PER2: variants seen among roughly 807,000 people sequenced by gnomAD.
PER2 encodes the protein period circadian regulator 2, also known as period circadian protein homolog 2.
Under a neutral mutation model 121.0 loss-of-function variants are expected in PER2, and 66 were observed. The observed-to-expected ratio is 0.55, with a 90% CI of 0.45 to 0.67. The LOEUF (loss-of-function observed/expected upper bound fraction) is 0.67. Among genes scored for constraint, PER2 ranks in the 30% least tolerant of loss-of-function variants. The pLI, the probability that PER2 is intolerant of heterozygous loss-of-function variation, is 0.00. For missense variants in PER2, 1,521 were observed against 1,635.0 expected, an observed-to-expected ratio of 0.93 and a Z score of 1.20; for synonymous variants, 684 against 659.9, an observed-to-expected ratio of 1.04 and a Z score of -0.56.
intron 3 of PER2, among the ~76,000 whole-genome samples, chr2:238,276,408 C>T (rs1360238808): frequency 6.6e-6 from 1 of 152,216 alleles, no homozygotes; most frequent in Non-Finnish European, 1.5e-5. Flanking sequence ...GTTCTTTTCC[C>T]TGAAGGGTTA....
intron 1 of PER2, among the ~76,000 whole-genome samples, chr2:238,286,551 A>C (rs1696795317): frequency 6.6e-6 from 1 of 152,232 alleles, no homozygotes; most frequent in African/African-American, 2.4e-5. Context: ...GGCCCCCTCT[A>C]GACTAATTCT....
At chr2:238,297,362 G>A in the PER2 span, among the ~76,000 whole-genome samples, 7 of 152,190 alleles carry the variant, frequency 4.6e-5, no homozygotes, top group Non-Finnish European at 7.3e-5. Flanking sequence ...AGTCCCCCAG[G>A]CAGGGAGCTT....
At position 238,266,867 on chromosome 2, in the gene PER2, G is replaced by A. The variant is rs373996329; in HGVS notation, c.967+1189C>T. On this transcript the variant is annotated intron_variant, in intron 8 of 22. Transcript: ENST00000254657. ...AGCCTGGGCAACACAGTGAAACCCC[G>A]TCTCTACTAAAATACAAAAAAAAAG... is the stretch of plus-strand genomic sequence containing the variant. 5.1e-4 allele frequency among the ~76,000 whole-genome samples: 77 copies of A among 151,668 alleles called. 2 individuals are homozygous for A. The South Asian group carries it at 0.012, about 24-fold the overall frequency.
At position 238,245,516 on chromosome 2, in the gene PER2, C is replaced by T. The variant is rs1559319097; in HGVS notation, c.*859G>A. The T allele has an allele frequency of 5.0e-6, 2 of 397,826 alleles. No individual in the cohort carries two copies. Among genetic ancestry groups the T allele is most frequent in the Non-Finnish European group, 8.8e-6 (2 of 226,056 alleles). The allele number at this position is 397,826 out of a possible 1,614,324, so 24.6% of individuals were successfully genotyped here. ...GTGGTTCCAACGGAAGAAAACCAAA[C>T]AGGACTGGGTCTCACATGTGTTGGT... On this transcript the variant is annotated 3_prime_UTR_variant, in exon 23 of 23. Transcript: ENST00000254657.
intron 16 of PER2, 35 bp from the exon 17 acceptor site, chr2:238,257,121 G>T: frequency 6.3e-7 from 1 of 1,599,360 alleles, no homozygotes; most frequent in Non-Finnish European, 8.5e-7. Flanking sequence ...ACATTAGTGT[G>T]TCATTACAAT....
intron 16 of PER2, 64 bp from the exon 17 acceptor site, chr2:238,257,150 A>G (rs1015978326): frequency 8.5e-5 from 127 of 1,490,072 alleles, no homozygotes; most frequent in Middle Eastern, 6.8e-4. Flanking sequence ...CAGATGAGAA[A>G]CCGACACCCA....
chr2:238,290,448 C>T (rs978624717), upstream of PER2, among the ~76,000 whole-genome samples: 2 of 152,228 alleles, frequency 1.3e-5, no homozygotes, highest in Non-Finnish European at 2.9e-5. Flanking sequence ...AGCTCATCCA[C>T]ACCTTACCGA....
rs1695779730 is a variant in PER2 at position 238,256,944 on chromosome 2, G to T, written c.2043C>A (p.Asp681Glu). 1 of 1,614,126 alleles carries T rather than the reference G, an allele frequency of 6.2e-7. No homozygotes were observed. The highest frequency in any genetic ancestry group is 8.5e-7 in the Non-Finnish European group (1 of 1,180,012). ...SYSSTIVHVG[D>E]KKPQPELEMV... Reference sequence around the variant, plus strand: ...TACCTAACTCCGGCTGCGGCTTCTTGTCTCCCACATGGACGATGGTGCTGC... The same window carrying T: ...TACCTAACTCCGGCTGCGGCTTCTTTTCTCCCACATGGACGATGGTGCTGC... The change falls in exon 17 of 23, where the codon GAC becomes GAA. Residue 681 changes from aspartate (D) to glutamate (E), a missense_variant. Physicochemically the swap from Asp to Glu is conservative, Grantham distance 45. Transcript: ENST00000254657.
the PER2 span, chr2:238,299,461 G>A: frequency 6.6e-6 from 1 of 152,314 alleles, no homozygotes; most frequent in Non-Finnish European, 1.5e-5. Flanking sequence ...AGAATCGCTT[G>A]AACCCAGGGG....
rs200288603 is a variant in PER2 at position 238,260,853 on chromosome 2, T to C, written c.1517A>G (p.His506Arg). 8.7e-6 allele frequency: 14 copies of C among 1,614,110 alleles called. No homozygotes were observed. Among genetic ancestry groups the C allele is most frequent in the African/African-American group, 4.0e-5 (3 of 75,062 alleles). ...SQTSSSDSNG[H>R]EDSRRRRAEI... The stretch of plus-strand genomic sequence containing the variant: ...GGCTCTCCTCCGGCGTGAGTCCTCA[T>C]GGCCGTTGCTGTCGCTGGAGGAGGT... The change falls in exon 13 of 23, where the codon CAT becomes CGT. Residue 506 changes from histidine (H) to arginine (R), a missense_variant. His to Arg is a conservative substitution (Grantham distance 29). Transcript: ENST00000254657.
intron 13 of PER2, among the ~76,000 whole-genome samples, chr2:238,260,403 C>T (rs541179203): frequency 2.0e-5 from 3 of 152,070 alleles, no homozygotes; most frequent in South Asian, 2.1e-4. Flanking sequence ...ATTACAGGGG[C>T]GCGCCACCAT....
At position 238,255,816 on chromosome 2, in the gene PER2, T is replaced by C. The variant is rs1695742956; in HGVS notation, c.2161A>G (p.Lys721Glu). The stretch of plus-strand genomic sequence containing the variant: ...ACCTCCTTGGTGAGGCCCAGCTTCT[T>C]GAAGGGCTCCTTCTCTTGGCTGAGA... ...CGLSQEKEPF[K>E]KLGLTKEVLA... Residue 721 changes from lysine to glutamate, a missense_variant, in exon 18 of 23, where the codon AAG becomes GAG. Transcript: ENST00000254657. 6.2e-7 allele frequency: 1 copy of C among 1,614,186 alleles called. No individual in the cohort carries two copies. Among genetic ancestry groups the C allele is most frequent in the Non-Finnish European group, 8.5e-7 (1 of 1,180,022 alleles).
In PER2 at chr2:238,245,613, C is replaced by T. The variant is rs1268492883; in HGVS notation, c.*762G>A. ...GACATATTTTAATCTCCATATTGGCCATCATGGTCTGAAAAGGAGACAAGA... is the reference window on the plus strand; with the variant it reads ...GACATATTTTAATCTCCATATTGGCTATCATGGTCTGAAAAGGAGACAAGA... On this transcript the variant is annotated 3_prime_UTR_variant, in exon 23 of 23. Transcript: ENST00000254657. The T allele has an allele frequency of 2.5e-6, 1 of 398,492 alleles. No homozygotes were observed. The highest frequency in any genetic ancestry group is 4.4e-6 in the Non-Finnish European group (1 of 226,082). The allele number at this position is 398,492 out of a possible 1,614,324, so 24.7% of individuals were successfully genotyped here. A position where few individuals can be genotyped will look rare whatever the true frequency, so the allele number is the denominator to read the frequency against.
rs1695429348 is a variant in PER2 at position 238,245,739 on chromosome 2, A to C, written c.*636T>G. 1 of 398,464 alleles carries C rather than the reference A, an allele frequency of 2.5e-6. No homozygotes were observed. The highest frequency in any genetic ancestry group is 4.4e-6 in the Non-Finnish European group (1 of 225,980). The allele number at this position is 398,464 out of a possible 1,614,324, so 24.7% of individuals were successfully genotyped here. A position where few individuals can be genotyped will look rare whatever the true frequency, so the allele number is the denominator to read the frequency against. On this transcript the variant is annotated 3_prime_UTR_variant, in exon 23 of 23. Coordinates refer to ENST00000254657, the MANE Select transcript of PER2 (RefSeq NM_022817.3). The stretch of plus-strand genomic sequence containing the variant: ...TTCTTTAGTCCAGAGCAAATGTTTC[A>C]ACTTTGTTCACTACAAACAAAACCT...
At chr2:238,263,394 C>T (rs1052369013) in intron 9 of PER2, among the ~76,000 whole-genome samples, 78 of 152,200 alleles carry the variant, frequency 5.1e-4, no homozygotes, top group African/African-American at 1.9e-3. Flanking sequence ...TTAGTTTGGC[C>T]ACATGTGACC....
At position 238,255,659 on chromosome 2, in the gene PER2, C is replaced by T. The variant is rs79066297; in HGVS notation, c.2318G>A (p.Arg773Gln). Reference sequence around the variant, plus strand: ...CTTTTAATTCGGGTATCACTTACTTCGTTCACTTGGCTGCCCCTTGGATCT... The same window carrying T: ...CTTTTAATTCGGGTATCACTTACTTTGTTCACTTGGCTGCCCCTTGGATCT... ...QERSKGQPSE[R>Q]TAPGLRNTSG... The change falls in exon 18 of 23, where the codon CGA (arginine) becomes CAA (glutamine). Residue 773 changes from arginine to glutamine, a missense_variant and splice_region_variant. Physicochemically the swap from Arg to Gln is conservative, Grantham distance 43 (BLOSUM62 1). Transcript: ENST00000254657. The T allele has an allele frequency of 1.0e-3, 1,684 of 1,614,206 alleles. 3 individuals carry two copies. The highest frequency in any genetic ancestry group is 1.2e-3 in the Non-Finnish European group (1,429 of 1,179,992).
intron 8 of PER2, 58 bp from the exon 9 acceptor site, chr2:238,265,648 A>G (rs538861417): frequency 3.8e-5 from 40 of 1,064,006 alleles, no homozygotes; most frequent in East Asian, 2.4e-5. Context: ...ATTTGATGTT[A>G]TATTAAAACT....
chr2:238,265,828 C>A (rs192455037), intron 8 of PER2, among the ~76,000 whole-genome samples: 3 of 152,138 alleles, frequency 2.0e-5, no homozygotes, highest in African/African-American at 7.2e-5. Context: ...TAAATCGAAA[C>A]TGCCGTGTTA....
rs201768071 is a variant in PER2 at position 238,262,181 on chromosome 2, G to C, written c.1307+10C>G. On this transcript the variant is annotated intron_variant, in intron 11 of 22. Transcript: ENST00000254657. The stretch of plus-strand genomic sequence containing the variant: ...ACCCCTGAGCCACCTCGGGCCCTTG[G>C]AGCACTCACACCCTGACTTTGTGCC... The C allele has an allele frequency of 1.2e-6, 2 of 1,613,184 alleles. No individual in the cohort carries two copies. The highest frequency in any genetic ancestry group is 2.2e-5 in the East Asian group (1 of 44,864).
Sources: allele counts gnomAD v4.1 joint callset (sites outside exome capture counted in the v4.1 genomes callset), GRCh38; gene constraint gnomAD v4.1.1; transcripts MANE v1.5; gene names NCBI Gene and HGNC (gene_info 2026-07-23, HGNC 2026-07-21).